The following TRAF6 variants were observed in gnomAD, a reference collection of about 807,000 sequenced individuals.
TRAF6 encodes the protein TNF receptor-associated factor 6.
Under a neutral mutation model 48.4 loss-of-function variants are expected in TRAF6, and 10 were observed. That is an observed-to-expected ratio of 0.21 (90% CI 0.13 to 0.35). TRAF6 has a LOEUF of 0.35. Ranked by LOEUF, TRAF6 falls within the 10% of genes least tolerant of loss-of-function variation. The pLI, the probability that TRAF6 is intolerant of heterozygous loss-of-function variation, is 1.00. For missense variants in TRAF6, 397 were observed against 661.0 expected, an observed-to-expected ratio of 0.60 and a Z score of 4.38; for synonymous variants, 186 against 219.6, an observed-to-expected ratio of 0.85 and a Z score of 1.35.
At chr11:36,496,683 T>C (rs999035551) in intron 4 of TRAF6, among the ~76,000 whole-genome samples, 3 of 152,210 alleles carry the variant, frequency 2.0e-5, no homozygotes, top group Non-Finnish European at 4.4e-5. Flanking sequence ...CAAGAAAACA[T>C]ACTTTGTGGG....
chr11:36,497,989 A>T (rs1239364118), intron 3 of TRAF6, among the ~76,000 whole-genome samples: 1 of 150,188 alleles, frequency 6.7e-6, no homozygotes, highest in Admixed American at 6.7e-5. Context: ...GTTTCAAGTG[A>T]TTCTCCTGCT....
At chr11:36,493,697 G>GT (rs1859592874) in intron 5 of TRAF6, among the ~76,000 whole-genome samples, 1 of 152,080 alleles carries the variant, frequency 6.6e-6, no homozygotes, top group Non-Finnish European at 1.5e-5. Flanking sequence ...TTAGCCTAGG[G>GT]TTTTTTCTTG....
rs920543868 is a variant in TRAF6 at position 36,485,138 on chromosome 11, G to A, written c.*4700C>T. Among the ~76,000 whole-genome samples the A allele has an allele frequency of 2.6e-4, 40 of 152,178 alleles. No homozygotes were observed. Among genetic ancestry groups the A allele is most frequent in the African/African-American group, 1.9e-4 (8 of 41,474 alleles). On this transcript the variant is annotated 3_prime_UTR_variant, in exon 7 of 7. Transcript: ENST00000526995. ...ATAATATTACTGCAGATTCTAGGTC[G>A]TAGATGTTCACTATACAAGTCTTTC... is the stretch of plus-strand genomic sequence containing the variant.
intron 2 of TRAF6, among the ~76,000 whole-genome samples, chr11:36,499,041 A>G (rs1226103673): frequency 2.0e-5 from 3 of 152,218 alleles, no homozygotes; most frequent in East Asian, 1.9e-4. Flanking sequence ...CACAGTACCA[A>G]TAACATGTCT....
chr11:36,506,631 TTAGGTCTGAAGAGACCTTTTA>T (rs1315167857), intron 1 of TRAF6, among the ~76,000 whole-genome samples: 1 of 152,190 alleles, frequency 6.6e-6, no homozygotes, highest in Non-Finnish European at 1.5e-5. Flanking sequence ...TTGAAGGTCT[TTAGGTCTGAAGAGACCTTTTA>T]TAGCTAATGT....
rs768662258 is a variant in TRAF6 at position 36,499,756 on chromosome 11, A to AAATT, written c.297-1120_297-1117dup. 1.8e-3 allele frequency among the ~76,000 whole-genome samples: 268 copies of AAATT among 152,220 alleles called. 1 individual carries two copies. Among genetic ancestry groups the AAATT allele is most frequent in the Non-Finnish European group, 2.9e-3 (196 of 68,038 alleles). On this transcript the variant is annotated intron_variant, in intron 2 of 6. Transcript: ENST00000526995. Reference sequence around the variant, plus strand: ...CCCGAGTATGGATGTAGTTACTCTTAAATTCAAGTTTTATAGAAAAGTTAA... The same window carrying AAATT: ...CCCGAGTATGGATGTAGTTACTCTTAAATTAATTCAAGTTTTATAGAAAAGTTAA...
intron 1 of TRAF6, among the ~76,000 whole-genome samples, chr11:36,503,840 T>C (rs916334416): frequency 6.6e-6 from 1 of 152,180 alleles, no homozygotes; most frequent in Admixed American, 6.5e-5. Flanking sequence ...GTTATTTTTA[T>C]TCCCATATAC....
chr11:36,505,676 G>C lies in TRAF6; in HGVS notation c.-22-4139C>G, dbSNP rs542860294. On this transcript the variant is annotated intron_variant, in intron 1 of 6. Transcript: ENST00000526995. ...TTTCTATTCACAATTTGGCTAAATG[G>C]CCCATTTTGACTTCTGATGTGCCTT... is the stretch of plus-strand genomic sequence containing the variant. Among the ~76,000 whole-genome samples the C allele has an allele frequency of 7.9e-5, 12 of 152,108 alleles. 1 individual carries two copies. The highest frequency in any genetic ancestry group is 1.8e-4 in the Non-Finnish European group (12 of 68,016).
chr11:36,501,503 T>G lies in TRAF6; in HGVS notation c.13A>C (p.Asn5His). 1 of 1,604,808 alleles carries G rather than the reference T, an allele frequency of 6.2e-7. No individual in the cohort carries two copies. Residue 5 changes from asparagine (N) to histidine (H), a missense_variant, in exon 2 of 7, where the codon AAC becomes CAC. Coordinates refer to ENST00000526995, the MANE Select transcript of TRAF6 (RefSeq NM_004620.4). ...CTGGATCCACAGCTGTTTTCACAGT[T>G]TAGCAGACTCATAGTAACTTGATTA... MSLL[N>H]CENSCGSSQS...
chr11:36,497,017 C>T lies in TRAF6; in HGVS notation c.606+91G>A, dbSNP rs550320878. The stretch of plus-strand genomic sequence containing the variant: ...TAATGTAGACTCAGAGTCGGAGTCA[C>T]ATCCTTATCTACTGCTAACCCCCTC... On this transcript the variant is annotated intron_variant, in intron 4 of 6. Coordinates refer to ENST00000526995, the MANE Select transcript of TRAF6 (RefSeq NM_004620.4). 28 of 1,348,300 alleles carry T rather than the reference C, an allele frequency of 2.1e-5. No homozygotes were observed. In the South Asian group the frequency reaches 2.9e-4, roughly 14 times the overall value. 83.5% of individuals were successfully genotyped at this position (1,348,300 alleles called of 1,614,324 possible). A position where few individuals can be genotyped will look rare whatever the true frequency, so the allele number is the denominator to read the frequency against.
At chr11:36,505,663 A>G (rs1392456287) in intron 1 of TRAF6, among the ~76,000 whole-genome samples, 1 of 152,134 alleles carries the variant, frequency 6.6e-6, no homozygotes, top group African/African-American at 2.4e-5. Context: ...TCTATTCACA[A>G]TTTGGCTAAA....
Position 36,489,890 on chromosome 11 carries a change from C to T in TRAF6, c.1517G>A (p.Gly506Asp), listed in dbSNP as rs1434112138. ...CTGAAAACCCTCCCTCCGAAGGCTA[C>T]CCATGTCAAAGCGGGTGGAGACCTC... Reference protein sequence around the residue: ...RCEVSTRFDMGSLRREGFQPR... With the variant: ...RCEVSTRFDMDSLRREGFQPR... Residue 506 changes from glycine to aspartate, a missense_variant, in exon 7 of 7, where the codon GGT becomes GAT. Around this residue, in one of 4 missense-constraint regions of TRAF6, gnomAD observed 74 missense variants for 198.9 expected, o/e 0.37. Transcript: ENST00000526995. 1 of 1,614,180 alleles carries T rather than the reference C, an allele frequency of 6.2e-7. No individual in the cohort carries two copies. Among genetic ancestry groups the T allele is most frequent in the African/African-American group, 1.3e-5 (1 of 75,054 alleles).
rs573570399 is a variant in TRAF6, at chr11:36,500,951, A to G, written c.296+269T>C. ...TCTTTAAAGCATAGAGTCACTCCCC[A>G]GTCTGCATTAGAATTGCTTTAAGTA... On this transcript the variant is annotated intron_variant, in intron 2 of 6. Coordinates refer to ENST00000526995, the MANE Select transcript of TRAF6 (RefSeq NM_004620.4). 4.6e-5 allele frequency among the ~76,000 whole-genome samples: 7 copies of G among 152,262 alleles called. No individual in the cohort carries two copies. In the South Asian group the frequency reaches 1.2e-3, roughly 27 times the overall value.
Position 36,483,930 on chromosome 11 carries a change from C to A in TRAF6, c.*5908G>T, listed in dbSNP as rs1445692168. 6.6e-6 allele frequency among the ~76,000 whole-genome samples: 1 copy of A among 152,158 alleles called. No individual in the cohort carries two copies. Among genetic ancestry groups the A allele is most frequent in the East Asian group, 1.9e-4 (1 of 5,194 alleles). On this transcript the variant is annotated 3_prime_UTR_variant, in exon 7 of 7. Coordinates refer to ENST00000526995, the MANE Select transcript of TRAF6 (RefSeq NM_004620.4). ...ATTCAAAAAGGTGCCATTCAAGGAA[C>A]ACTTTTGGTCATACCTTGCAACCAG...
chr11:36,501,433 C>A lies in TRAF6; in HGVS notation c.83G>T (p.Ser28Ile). 1 of 1,614,136 alleles carries A rather than the reference C, an allele frequency of 6.2e-7. No individual in the cohort carries two copies. The highest frequency in any genetic ancestry group is 1.1e-5 in the South Asian group (1 of 91,088). The change falls in exon 2 of 7, where the codon AGC becomes ATC. Residue 28 changes from serine (S) to isoleucine (I), a missense_variant. Physicochemically the swap from Ser to Ile is moderately radical, Grantham distance 142. This residue lies in a region of TRAF6 where 73 missense variants were observed against 87.3 expected (regional missense o/e 0.84). Transcript: ENST00000526995. ...CACACTATCATCTTTTGTTACAGCG[C>A]TACAGGAGCTGGCCATGGCCACACA... Reference protein sequence around the residue: ...DCCVAMASSCSAVTKDDSVGG... With the variant: ...DCCVAMASSCIAVTKDDSVGG...
Position 36,497,215 on chromosome 11 carries a change from G to C in TRAF6, c.499C>G (p.Arg167Gly). The stretch of plus-strand genomic sequence containing the variant: ...TTAATATGGAATTTTTGGAAGGGAC[G>C]CTGGCATTGGGGACAATCCATAAGA... Reference protein sequence around the residue: ...FALMDCPQCQRPFQKFHINIH... With the variant: ...FALMDCPQCQGPFQKFHINIH... The change falls in exon 4 of 7, where the codon CGT becomes GGT. Residue 167 changes from arginine to glycine, a missense_variant. Arg to Gly is a moderately radical substitution (Grantham distance 125). Coordinates refer to ENST00000526995, the MANE Select transcript of TRAF6 (RefSeq NM_004620.4). 6.2e-7 allele frequency: 1 copy of C among 1,613,822 alleles called. No homozygotes were observed. The highest frequency in any genetic ancestry group is 8.5e-7 in the Non-Finnish European group (1 of 1,179,920).
At chr11:36,504,272 C>A (rs1343917533) in intron 1 of TRAF6, among the ~76,000 whole-genome samples, 1 of 152,230 alleles carries the variant, frequency 6.6e-6, no homozygotes, top group Non-Finnish European at 1.5e-5. Context: ...ACGAGAACTT[C>A]TTTCAAAAAT....
chr11:36,495,135 T>A, intron 4 of TRAF6, 88 bp from the exon 5 acceptor site: 1 of 931,598 alleles, frequency 1.1e-6, no homozygotes, highest in Non-Finnish European at 1.7e-6. Context: ...AATTTTTCAC[T>A]ATAAACAAAT....
intron 1 of TRAF6, among the ~76,000 whole-genome samples, chr11:36,505,142 C>T (rs1859768020): frequency 6.6e-6 from 1 of 152,110 alleles, no homozygotes; most frequent in Non-Finnish European, 1.5e-5. Context: ...GCTGCATTAG[C>T]CCCTAACAAA....
Sources: gnomAD v4.1 joint callset for allele counts (sites outside exome capture counted in the v4.1 genomes callset) on GRCh38, gnomAD v4.1.1 for gene constraint, gnomAD v4.1.1 regional missense constraint, MANE v1.5 for transcripts, NCBI Gene and HGNC (gene_info 2026-07-23, HGNC 2026-07-21) for gene names.